Variants in OTOGL observed in about 807,000 individuals in gnomAD.
The protein encoded by OTOGL is otogelin like.
Under a neutral mutation model 318.5 loss-of-function variants are expected in OTOGL, and 285 were observed. That is an observed-to-expected ratio of 0.89 (90% CI 0.81 to 0.99). The LOEUF is 0.99. Ranked by LOEUF, OTOGL falls within the 50% of genes least tolerant of loss-of-function variation. OTOGL has a pLI of 0.00. For synonymous variants in OTOGL, 987 were observed against 936.5 expected, an observed-to-expected ratio of 1.05 and a Z score of -0.99; for missense variants, 2,899 against 2,845.6, an observed-to-expected ratio of 1.02 and a Z score of -0.43.
chr12:80,284,535 C>T (rs992113962), intron 26 of OTOGL, among the ~76,000 whole-genome samples: 2 of 152,138 alleles, frequency 1.3e-5, no homozygotes, highest in African/African-American at 2.4e-5. Flanking sequence ...TCCTCTCCAG[C>T]ATCTGTTGTT....
Position 80,253,590 on chromosome 12 carries a change from G to A in OTOGL, c.1394+16G>A, listed in dbSNP as rs868321999. The A allele has an allele frequency of 1.3e-6, 2 of 1,569,862 alleles. No individual in the cohort carries two copies. Among genetic ancestry groups the A allele is most frequent in the Middle Eastern group, 1.7e-4 (1 of 5,970 alleles). On this transcript the variant is annotated intron_variant, in intron 14 of 58. Coordinates refer to ENST00000547103, the MANE Select transcript of OTOGL (RefSeq NM_001378609.3). ...GTACTGAATGGTATGTGATCAGTGT[G>A]CAGCCAATTATTTCTGGGTACTTGG...
At chr12:80,119,284 A>G (rs1870348268) in intron 1 of OTOGL, among the ~76,000 whole-genome samples, 1 of 152,150 alleles carries the variant, frequency 6.6e-6, no homozygotes, top group Non-Finnish European at 1.5e-5. Flanking sequence ...TCTCTTTATC[A>G]TTTCTCTTAC....
At chr12:80,161,834 A>T (rs1487830791) in intron 1 of OTOGL, among the ~76,000 whole-genome samples, 1 of 152,160 alleles carries the variant, frequency 6.6e-6, no homozygotes, top group Non-Finnish European at 1.5e-5. Context: ...ACAGTCATTT[A>T]TGGAGTCATA....
At chr12:80,144,005 G>T (rs1442390992) in intron 1 of OTOGL, among the ~76,000 whole-genome samples, 2 of 150,932 alleles carry the variant, frequency 1.3e-5, no homozygotes, top group Non-Finnish European at 2.9e-5. Flanking sequence ...ATTCTTCTAT[G>T]TATTCAAAGG....
At chr12:80,309,919 A>G (rs1032500188) in intron 29 of OTOGL, among the ~76,000 whole-genome samples, 1 of 152,186 alleles carries the variant, frequency 6.6e-6, no homozygotes, top group African/African-American at 2.4e-5. Flanking sequence ...GGACGCGTGT[A>G]CCGAATGAGA....
At position 80,210,056 on chromosome 12, in the gene OTOGL, A is replaced by G. The variant is rs141984784; in HGVS notation, c.79+546A>G. Among the ~76,000 whole-genome samples, 1,140 of 152,216 alleles carry G rather than the reference A, an allele frequency of 7.5e-3. 19 individuals are homozygous for G. Among genetic ancestry groups the G allele is most frequent in the African/African-American group, 0.026 (1,073 of 41,554 alleles). ...TAATTATTTTTATGGTAATTTTATT[A>G]ATAAATTTTCTTGCTATTTGATTTT... On this transcript the variant is annotated intron_variant, in intron 2 of 58. Coordinates refer to ENST00000547103, the MANE Select transcript of OTOGL (RefSeq NM_001378609.3).
chr12:80,272,726 G>T (rs529021790), intron 24 of OTOGL, among the ~76,000 whole-genome samples: 12 of 151,986 alleles, frequency 7.9e-5, no homozygotes, highest in African/African-American at 2.4e-4. Flanking sequence ...CAGGAGAATC[G>T]CATTTGTCTA....
chr12:80,178,279 T>C (rs1239455536), intron 1 of OTOGL, among the ~76,000 whole-genome samples: 1 of 151,980 alleles, frequency 6.6e-6, no homozygotes, highest in Non-Finnish European at 1.5e-5. Context: ...TAGGCTGGTC[T>C]CAAACTCCTG....
At chr12:80,114,445 C>T (rs560896724) in intron 1 of OTOGL, among the ~76,000 whole-genome samples, 3 of 152,310 alleles carry the variant, frequency 2.0e-5, no homozygotes, top group East Asian at 3.9e-4. Context: ...TTAGCCCCTA[C>T]ACTTTTCTGG....
rs2138133690 is a variant in OTOGL at position 80,378,374 on chromosome 12, C to A, written c.*326C>A. ...TTTGCAAAATTCCTTCAATTTCACTCAGTAGCTCTTTTTTTCTTAATTTGC... is the reference window on the plus strand; with the variant it reads ...TTTGCAAAATTCCTTCAATTTCACTAAGTAGCTCTTTTTTTCTTAATTTGC... On this transcript the variant is annotated 3_prime_UTR_variant, in exon 59 of 59. Transcript: ENST00000547103. 4.9e-6 allele frequency: 1 copy of A among 204,634 alleles called. No individual in the cohort carries two copies. Among genetic ancestry groups the A allele is most frequent in the Non-Finnish European group, 1.0e-5 (1 of 100,130 alleles). 12.7% of individuals were successfully genotyped at this position (204,634 alleles called of 1,614,324 possible). A position where few individuals can be genotyped will look rare whatever the true frequency, so the allele number is the denominator to read the frequency against.
intron 1 of OTOGL, among the ~76,000 whole-genome samples, chr12:80,119,245 ACT>A (rs1458007159): frequency 2.0e-5 from 3 of 151,944 alleles, no homozygotes; most frequent in African/African-American, 7.3e-5. Context: ...AGAATGCAAG[ACT>A]CTCTCTTGAC....
Position 80,378,268 on chromosome 12 carries a change from A to G in OTOGL, c.*220A>G, listed in dbSNP as rs1356767314. 4 of 443,830 alleles carry G rather than the reference A, an allele frequency of 9.0e-6. No individual in the cohort carries two copies. The highest frequency in any genetic ancestry group is 1.6e-5 in the Non-Finnish European group (4 of 250,294). The allele number at this position is 443,830 out of a possible 1,614,324, so 27.5% of individuals were successfully genotyped here. ...TATTTTAGAAAATCAAATGACTGTA[A>G]GTTGTTCAGCTGAAATGCTGTTATG... On this transcript the variant is annotated 3_prime_UTR_variant, in exon 59 of 59. Transcript: ENST00000547103.
intron 1 of OTOGL, among the ~76,000 whole-genome samples, chr12:80,144,010 C>G (rs977742054): frequency 2.7e-5 from 4 of 150,888 alleles, no homozygotes; most frequent in African/African-American, 9.7e-5. Flanking sequence ...TCTATGTATT[C>G]AAAGGCATTG....
intron 19 of OTOGL, among the ~76,000 whole-genome samples, chr12:80,264,396 A>T (rs770238434): frequency 1.3e-5 from 2 of 152,156 alleles, no homozygotes; most frequent in Non-Finnish European, 2.9e-5. Flanking sequence ...CCTAATCCCC[A>T]ATTTCTACTC....
At position 80,378,682 on chromosome 12, in the gene OTOGL, T is replaced by C. The variant is rs1891314457; in HGVS notation, c.*634T>C. 6.6e-6 allele frequency: 1 copy of C among 152,138 alleles called. No homozygotes were observed. The highest frequency in any genetic ancestry group is 1.5e-5 in the Non-Finnish European group (1 of 67,996). 9.4% of individuals were successfully genotyped at this position (152,138 alleles called of 1,614,324 possible). A position where few individuals can be genotyped will look rare whatever the true frequency, so the allele number is the denominator to read the frequency against. Reference sequence around the variant, plus strand: ...GTTAACAGTTGGATTAAATCCTAGCTCTCTCTTATTCCAGTACTATATCAC... The same window carrying C: ...GTTAACAGTTGGATTAAATCCTAGCCCTCTCTTATTCCAGTACTATATCAC... On this transcript the variant is annotated 3_prime_UTR_variant, in exon 59 of 59. Transcript: ENST00000547103.
chr12:80,311,236 T>C (rs1886616319), intron 30 of OTOGL, among the ~76,000 whole-genome samples: 1 of 152,252 alleles, frequency 6.6e-6, no homozygotes, highest in Admixed American at 6.5e-5. Context: ...AATGTATTGG[T>C]AAGAATTAAG....
At chr12:80,376,229 G>A (rs535016051) in intron 57 of OTOGL, among the ~76,000 whole-genome samples, 1 of 152,122 alleles carries the variant, frequency 6.6e-6, no homozygotes, top group Non-Finnish European at 1.5e-5. Context: ...TCTCCTTCAA[G>A]CAGAGTAGCT....
intron 32 of OTOGL, among the ~76,000 whole-genome samples, chr12:80,316,941 A>G (rs1887008994): frequency 6.6e-6 from 1 of 152,188 alleles, no homozygotes; most frequent in Non-Finnish European, 1.5e-5. Flanking sequence ...GATACTTATA[A>G]TATTTAAAGC....
rs556574688 is a variant in OTOGL, at chr12:80,194,688, T to C, written c.-19-14725T>C. Among the ~76,000 whole-genome samples, 181 of 152,318 alleles carry C rather than the reference T, an allele frequency of 1.2e-3. 1 individual carries two copies. The highest frequency in any genetic ancestry group is 2.7e-3 in the African/African-American group (114 of 41,578). ...TTATACTAGAGAGCGCTCTAAAATA[T>C]ATTTAATGTAGCACTTACATTTATT... On this transcript the variant is annotated intron_variant, in intron 1 of 58. Transcript: ENST00000547103.
Sources: allele counts gnomAD v4.1 joint callset (sites outside exome capture counted in the v4.1 genomes callset), GRCh38; gene constraint gnomAD v4.1.1; transcripts MANE v1.5; gene names NCBI Gene and HGNC (gene_info 2026-07-23, HGNC 2026-07-21).